Variants in MUC5AC observed in about 807,000 individuals in gnomAD.
MUC5AC encodes the protein mucin-5AC.
In MUC5AC, 158 loss-of-function variants were observed where a neutral mutation model predicts 169.7. That is an observed-to-expected ratio of 0.93 (90% CI 0.82 to 1.06). The LOEUF is 1.06. Ranked by LOEUF, MUC5AC falls within the 50% of genes least tolerant of loss-of-function variation. The probability of loss-of-function intolerance (pLI) is 0.00; values close to 1 mark genes in which losing one functional copy is unlikely to be tolerated. For missense variants in MUC5AC, 4,359 were observed against 3,089.9 expected, an observed-to-expected ratio of 1.41 and a Z score of -9.74; for synonymous variants, 1,975 against 1,237.0, an observed-to-expected ratio of 1.60 and a Z score of -12.52.
intron 21 of MUC5AC, 68 bp from the exon 22 acceptor site, chr11:1,176,860 A>G: frequency 2.5e-6 from 1 of 398,664 alleles, no homozygotes; most frequent in Non-Finnish European, 4.4e-6. Context: ...CCCCAGGGGT[A>G]GGAAGGCTGC....
rs748652864 is a variant in MUC5AC, at chr11:1,192,959, C to T, written c.14557C>T (p.Pro4853Ser). ...CGAGCCCGTCACTGAGCTGGGATGC[C>T]CAAATGCGGTTCCCCCCAGAAAGGT... ...TSEPVTELGC[P>S]NAVPPRKKGE... is the part of the protein sequence containing the mutation. The change falls in exon 32 of 49, where the codon CCA becomes TCA. Residue 4853 changes from proline (P) to serine (S), a missense_variant. Pro to Ser is a moderately conservative substitution (Grantham distance 74). Coordinates refer to ENST00000621226, the MANE Select transcript of MUC5AC (RefSeq NM_001304359.2). 3 of 731,396 alleles carry T rather than the reference C, an allele frequency of 4.1e-6. No homozygotes were observed. Among genetic ancestry groups the T allele is most frequent in the Non-Finnish European group, 2.5e-6 (1 of 398,234 alleles). The allele number at this position is 731,396 out of a possible 1,614,324, so 45.3% of individuals were successfully genotyped here. A position where few individuals can be genotyped will look rare whatever the true frequency, so the allele number is the denominator to read the frequency against.
chr11:1,179,693 C>T (rs1342259682), intron 26 of MUC5AC, among the ~76,000 whole-genome samples: 2 of 150,042 alleles, frequency 1.3e-5, no homozygotes, highest in East Asian at 4.0e-4. Flanking sequence ...CTGCCCAGCT[C>T]TAGGGAGGAG....
Position 1,177,544 on chromosome 11 carries a change from A to G in MUC5AC, c.2998A>G (p.Ile1000Val). The G allele has an allele frequency of 2.5e-6, 1 of 398,770 alleles. No individual in the cohort carries two copies. Among genetic ancestry groups the G allele is most frequent in the Non-Finnish European group, 4.4e-6 (1 of 226,158 alleles). 24.7% of individuals were successfully genotyped at this position (398,770 alleles called of 1,614,324 possible). A position where few individuals can be genotyped will look rare whatever the true frequency, so the allele number is the denominator to read the frequency against. ...EVPYTIRQMG[I>V]YLVVDTDIGL... The stretch of plus-strand genomic sequence containing the variant: ...GCCATACACCATCCGGCAGATGGGC[A>G]TCTACCTGGTGGTGGACACCGACAT... The change falls in exon 24 of 49, where the codon ATC (isoleucine) becomes GTC (valine). Residue 1000 changes from isoleucine to valine, a missense_variant. Coordinates refer to ENST00000621226, the MANE Select transcript of MUC5AC (RefSeq NM_001304359.2).
Position 1,192,347 on chromosome 11 carries a change from C to T in MUC5AC, c.14202C>T (p.Thr4734=). The T allele has an allele frequency of 1.3e-6, 1 of 765,122 alleles. No homozygotes were observed. The allele number at this position is 765,122 out of a possible 1,614,324, so 47.4% of individuals were successfully genotyped here. A position where few individuals can be genotyped will look rare whatever the true frequency, so the allele number is the denominator to read the frequency against. The part of the protein sequence containing the change: ...CCETPRGCPV[T]SVTPYGTSPT... ...AGACCCCCAGAGGCTGCCCGGTGAC[C>T]TCTGTGACCCCATATGGGACTTCTC... Residue 4734 remains threonine, a synonymous_variant, in exon 31 of 49, where the codon ACC becomes ACT. Coordinates refer to ENST00000621226, the MANE Select transcript of MUC5AC (RefSeq NM_001304359.2).
chr11:1,161,926 C>T lies in MUC5AC; in HGVS notation c.231C>T (p.Asn77=), dbSNP rs372595499. The change falls in exon 4 of 49, where the codon AAC becomes AAT. Residue 77 remains asparagine, a synonymous_variant. Coordinates refer to ENST00000621226, the MANE Select transcript of MUC5AC (RefSeq NM_001304359.2). ...CCGCAGCCTCCAACCCGGCGCACAA[C>T]GGGCGGGTGTGCAGCACCTGGGGCA... is the stretch of plus-strand genomic sequence containing the variant. ...PVVRASNPAH[N]GRVCSTWGSF... 1.3e-5 allele frequency: 21 copies of T among 1,611,720 alleles called. No homozygotes were observed. The highest frequency in any genetic ancestry group is 1.5e-5 in the Non-Finnish European group (18 of 1,179,550).
intron 28 of MUC5AC, 32 bp from the exon 29 acceptor site, chr11:1,181,107 C>T (rs915810515): frequency 3.0e-5 from 12 of 398,432 alleles, no homozygotes; most frequent in Admixed American, 2.2e-4. Flanking sequence ...GCCGCCCCCA[C>T]GCATCGGCCT....
intron 37 of MUC5AC, 60 bp from the exon 38 acceptor site, chr11:1,196,328 C>A (rs1008555891): frequency 1.3e-6 from 1 of 755,250 alleles, no homozygotes; most frequent in South Asian, 1.4e-5. Context: ...GCCCAGCGGC[C>A]CGCGTTGCTC....
intron 5 of MUC5AC, 106 bp downstream of exon 5, chr11:1,162,752 G>A (rs1564906029): frequency 2.6e-6 from 3 of 1,139,700 alleles, no homozygotes; most frequent in Non-Finnish European, 3.9e-6. Context: ...GCCCAGTCAG[G>A]GTCAGACTCC....
chr11:1,168,545 C>A lies in MUC5AC; in HGVS notation c.1560C>A (p.Ile520=), dbSNP rs751661392. The A allele has an allele frequency of 3.7e-6, 6 of 1,612,480 alleles. No individual in the cohort carries two copies. The African/African-American group carries it at 4.0e-5, about 11-fold the overall frequency. The part of the protein sequence containing the change: ...FLNQIYTQLP[I]SAANVTIFRP... ...ACCAGATCTACACCCAGCTGCCCAT[C>A]TCTGCAGGTGAGGGCAGTGGCTTCT... is the stretch of plus-strand genomic sequence containing the variant. Residue 520 remains isoleucine, a synonymous_variant, in exon 13 of 49, where the codon ATC becomes ATA. Transcript: ENST00000621226.
chr11:1,161,496 G>A lies in MUC5AC; in HGVS notation c.152-31G>A, dbSNP rs766287728. 13 of 1,554,650 alleles carry A rather than the reference G, an allele frequency of 8.4e-6. No homozygotes were observed. The African/African-American group carries it at 1.5e-4, about 18-fold the overall frequency. On this transcript the variant is annotated intron_variant, in intron 2 of 48. Transcript: ENST00000621226. ...GAGCCCCCGCCCCACGTGGGGCCGT[G>A]CGTGAATCCTACCAGCCCCTGTCTC... is the stretch of plus-strand genomic sequence containing the variant.
chr11:1,179,283 A>C, intron 26 of MUC5AC, 35 bp downstream of exon 26: 2 of 504,088 alleles, frequency 4.0e-6, no homozygotes, highest in Non-Finnish European at 7.2e-6. Context: ...AAGAACAGGA[A>C]GCGCCGGCAG....
rs1270887171 is a variant in MUC5AC, at chr11:1,189,264, G to T, written c.11119G>T (p.Ala3707Ser). ...TSAPTTSTTSAPTTSTTSTPQ... is the reference protein window; with the variant it reads ...TSAPTTSTTSSPTTSTTSTPQ... ...TGCTCCCACAACGAGCACAACTTCTGCCCCTACAACCAGCACAACCTCCAC... is the reference window on the plus strand; with the variant it reads ...TGCTCCCACAACGAGCACAACTTCTTCCCCTACAACCAGCACAACCTCCAC... Residue 3707 changes from alanine (A) to serine (S), a missense_variant, in exon 31 of 49, where the codon GCC becomes TCC. Transcript: ENST00000621226. The T allele has an allele frequency of 3.5e-6, 2 of 574,192 alleles. No individual in the cohort carries two copies. Among genetic ancestry groups the T allele is most frequent in the Admixed American group, 3.0e-5 (1 of 32,992 alleles). The allele number at this position is 574,192 out of a possible 1,614,324, so 35.6% of individuals were successfully genotyped here.
In MUC5AC at chr11:1,189,083, G is replaced by A. The variant is rs1861020761; in HGVS notation, c.10938G>A (p.Gln3646=). The A allele has an allele frequency of 4.9e-6, 3 of 615,134 alleles. No individual in the cohort carries two copies. Among genetic ancestry groups the A allele is most frequent in the Non-Finnish European group, 8.7e-6 (3 of 343,944 alleles). The allele number at this position is 615,134 out of a possible 1,614,324, so 38.1% of individuals were successfully genotyped here. ...GTGGGAGAGCCACCAGCCCAACTCA[G>A]AGCACCTCCTCTTGGCAGAAATCCA... ...TPSGRATSPT[Q]STSSWQKSRT... The change falls in exon 31 of 49, where the codon CAG becomes CAA. Residue 3646 remains glutamine (Q), a synonymous_variant. Coordinates refer to ENST00000621226, the MANE Select transcript of MUC5AC (RefSeq NM_001304359.2).
Position 1,183,723 on chromosome 11 carries a change from C to A in MUC5AC, c.5578C>A (p.Pro1860Thr), listed in dbSNP as rs1475405809. The A allele has an allele frequency of 1.3e-5, 7 of 558,452 alleles. No homozygotes were observed. In the Admixed American group the frequency reaches 2.0e-4, roughly 16 times the overall value. 34.6% of individuals were successfully genotyped at this position (558,452 alleles called of 1,614,324 possible). ...CACACCTGGCTCCACCTCTAGCAGT[C>A]CAGCCCAGACCACTCCTTCAACAAC... ...TSTPGSTSSSPAQTTPSTTSK... is the reference protein window; with the variant it reads ...TSTPGSTSSSTAQTTPSTTSK... Residue 1860 changes from proline (P) to threonine (T), a missense_variant, in exon 31 of 49, where the codon CCA becomes ACA. Physicochemically the swap from Pro to Thr is conservative, Grantham distance 38 (BLOSUM62 -1). Transcript: ENST00000621226.
chr11:1,162,791 C>A lies in MUC5AC; in HGVS notation c.588+145C>A, dbSNP rs552539424. 38 of 995,442 alleles carry A rather than the reference C, an allele frequency of 3.8e-5. 1 individual carries two copies. The African/African-American group carries it at 4.6e-4, about 12-fold the overall frequency. 61.7% of individuals were successfully genotyped at this position (995,442 alleles called of 1,614,324 possible). On this transcript the variant is annotated intron_variant, in intron 5 of 48. Transcript: ENST00000621226. ...CCACACAGCAGGCAAGAACAGGTGCCCAGACACCAATGGTGTCCCGGGGTC... is the reference window on the plus strand; with the variant it reads ...CCACACAGCAGGCAAGAACAGGTGCACAGACACCAATGGTGTCCCGGGGTC...
intron 1 of MUC5AC, among the ~76,000 whole-genome samples, chr11:1,159,247 C>T (rs1485352364): frequency 1.3e-5 from 2 of 151,512 alleles, no homozygotes; most frequent in African/African-American, 4.9e-5. Context: ...ATGCCAGTTG[C>T]GGGAACTGGA....
At chr11:1,173,286 C>T (rs1860592833) in intron 16 of MUC5AC, among the ~76,000 whole-genome samples, 1 of 151,762 alleles carries the variant, frequency 6.6e-6, no homozygotes, top group Non-Finnish European at 1.5e-5. Flanking sequence ...ATTACTCACT[C>T]ACTCATCCAC....
intron 12 of MUC5AC, among the ~76,000 whole-genome samples, chr11:1,168,277 G>C (rs1215294383): frequency 6.6e-6 from 1 of 152,196 alleles, no homozygotes; most frequent in Non-Finnish European, 1.5e-5. Context: ...TTTATGTTTA[G>C]TTAATAACCT....
Position 1,188,218 on chromosome 11 carries a change from C to A in MUC5AC, c.10073C>A (p.Thr3358Lys). 1 of 685,140 alleles carries A rather than the reference C, an allele frequency of 1.5e-6. No homozygotes were observed. The highest frequency in any genetic ancestry group is 2.7e-6 in the Non-Finnish European group (1 of 377,164). The allele number at this position is 685,140 out of a possible 1,614,324, so 42.4% of individuals were successfully genotyped here. ...QSTSSWQKSR[T>K]TTLVTTSTTS... ...ACTTCCTCTTGGCAGAAATCCAGGA[C>A]AACCACTTTGGTGACAACCAGCACA... The change falls in exon 31 of 49, where the codon ACA (threonine) becomes AAA (lysine). Residue 3358 changes from threonine to lysine, a missense_variant. By Grantham distance (78) the Thr-to-Lys change is moderately conservative. Transcript: ENST00000621226.
Sources: gnomAD v4.1 joint callset for allele counts (sites outside exome capture counted in the v4.1 genomes callset) on GRCh38, gnomAD v4.1.1 for gene constraint, MANE v1.5 for transcripts, NCBI Gene and HGNC (gene_info 2026-07-23, HGNC 2026-07-21) for gene names.